Variants in GLRX observed in about 807,000 individuals in gnomAD.
GLRX encodes the protein glutaredoxin, also known as glutaredoxin-1.
GLRX carries 9 observed loss-of-function variants against 11.1 expected under a neutral mutation model. The ratio of observed to expected loss-of-function variants is 0.81; its 90% CI spans 0.49 to 1.42. The LOEUF is 1.42. Among genes scored for constraint, GLRX ranks in the 40% most tolerant of loss-of-function variants. GLRX has a pLI of 0.00. For missense variants in GLRX, 102 were observed against 126.2 expected (o/e 0.81, Z 0.92); for synonymous variants, 49 against 49.5 (o/e 0.99, Z 0.04).
chr5:95,822,422 G>A lies in GLRX; in HGVS notation c.207+34C>T, dbSNP rs779180142. 4.6e-6 allele frequency: 7 copies of A among 1,527,868 alleles called. No homozygotes were observed. The South Asian group carries it at 6.7e-5, about 15-fold the overall frequency. 94.6% of individuals were successfully genotyped at this position (1,527,868 alleles called of 1,614,324 possible). ...GCTCTGACAAGAAAAGGCAATCCGG[G>A]AGCCTTTCCCTAGCCGTTTAAAATG... On this transcript the variant is annotated intron_variant, in intron 1 of 2. Coordinates refer to ENST00000237858, the MANE Select transcript of GLRX (RefSeq NM_001118890.2).
intron 2 of GLRX, among the ~76,000 whole-genome samples, chr5:95,815,641 T>G (rs1227120905): frequency 1.3e-5 from 2 of 152,232 alleles, no homozygotes; most frequent in East Asian, 3.8e-4. Context: ...GCGCTAGCTG[T>G]GCTGGGGAAC....
chr5:95,816,370 T>C lies in GLRX; in HGVS notation c.*6+137A>G. On this transcript the variant is annotated intron_variant, in intron 2 of 2. Coordinates refer to ENST00000237858, the MANE Select transcript of GLRX (RefSeq NM_001118890.2). Reference sequence around the variant, plus strand: ...TGTAAAGTGTGAAATTCATAAGTGATTGACATCACCATTCCTCAACTCACC... The same window carrying C: ...TGTAAAGTGTGAAATTCATAAGTGACTGACATCACCATTCCTCAACTCACC... 5.1e-6 allele frequency: 3 copies of C among 587,914 alleles called. No individual in the cohort carries two copies. The South Asian group carries it at 6.2e-5, about 12-fold the overall frequency. 36.4% of individuals were successfully genotyped at this position (587,914 alleles called of 1,614,324 possible). A position where few individuals can be genotyped will look rare whatever the true frequency, so the allele number is the denominator to read the frequency against.
intron 1 of GLRX, chr5:95,816,915 GA>G: frequency 4.0e-6 from 1 of 249,060 alleles, no homozygotes; most frequent in East Asian, 1.1e-4. Flanking sequence ...TTCAGAAGGA[GA>G]ATTCTGATTG....
Position 95,813,981 on chromosome 5 carries a change from T to C in GLRX, c.*415A>G, listed in dbSNP as rs1218480309. ...GAATTGGACAAAAATCACTGAATCA[T>C]CTATAGGTTTTTTTTATTAGAAAAG... On this transcript the variant is annotated 3_prime_UTR_variant, in exon 3 of 3. Coordinates refer to ENST00000237858, the MANE Select transcript of GLRX (RefSeq NM_001118890.2). 2 of 150,228 alleles carry C rather than the reference T, an allele frequency of 1.3e-5. No homozygotes were observed. Among genetic ancestry groups the C allele is most frequent in the Non-Finnish European group, 3.0e-5 (2 of 66,744 alleles). The allele number at this position is 150,228 out of a possible 1,614,324, so 9.3% of individuals were successfully genotyped here.
chr5:95,820,606 G>T (rs1378348709), intron 1 of GLRX, among the ~76,000 whole-genome samples: 1 of 150,134 alleles, frequency 6.7e-6, no homozygotes, highest in Non-Finnish European at 1.5e-5. Flanking sequence ...CTACTTGATT[G>T]CTTGAACCTG....
chr5:95,815,978 C>T (rs917134794), intron 2 of GLRX, among the ~76,000 whole-genome samples: 5 of 152,208 alleles, frequency 3.3e-5, no homozygotes, highest in African/African-American at 4.8e-5. Context: ...TTCTGTTCCA[C>T]GAACATCCCT....
intron 1 of GLRX, among the ~76,000 whole-genome samples, chr5:95,822,033 A>G (rs1311152256): frequency 3.3e-5 from 5 of 152,302 alleles, no homozygotes; most frequent in Middle Eastern, 3.4e-3. Context: ...AAGCCTAGAG[A>G]AAAGAATGAA....
At chr5:95,816,448 C>A in intron 2 of GLRX, 59 bp downstream of exon 2, 1 of 852,168 alleles carries the variant, frequency 1.2e-6, no homozygotes, top group South Asian at 1.3e-5. Flanking sequence ...TAACAAACCA[C>A]GACAGAAGAA....
At position 95,822,687 on chromosome 5, in the gene GLRX, G is replaced by A; in HGVS notation, c.-25C>T. 2 of 1,601,246 alleles carry A rather than the reference G, an allele frequency of 1.2e-6. No individual in the cohort carries two copies. Among genetic ancestry groups the A allele is most frequent in the Non-Finnish European group, 1.7e-6 (2 of 1,168,884 alleles). On this transcript the variant is annotated 5_prime_UTR_variant, in exon 1 of 3. Transcript: ENST00000237858. ...TGCCGATGGGCTGCGGTCTCCCCGG[G>A]AAGAATCCTCAGTTGCAGGTATTGC...
intron 1 of GLRX, chr5:95,817,723 T>A (rs1391514952): frequency 6.6e-6 from 1 of 151,840 alleles, no homozygotes; most frequent in Non-Finnish European, 1.5e-5. Flanking sequence ...TGCCTGGCAG[T>A]GAAGAAAAAA....
intron 1 of GLRX, among the ~76,000 whole-genome samples, chr5:95,820,158 C>G (rs1747172249): frequency 6.6e-6 from 1 of 151,176 alleles, no homozygotes; most frequent in African/African-American, 2.4e-5. Context: ...TCAAGACCAG[C>G]CTGGGTAACA....
chr5:95,820,565 TAGGTGTGGTGGC>T (rs897532979), intron 1 of GLRX, among the ~76,000 whole-genome samples: 1 of 150,304 alleles, frequency 6.7e-6, no homozygotes, highest in Non-Finnish European at 1.5e-5. Context: ...AAAAATTAGC[TAGGTGTGGTGGC>T]AGGTGCCCGT....
intron 1 of GLRX, chr5:95,817,111 T>C (rs1747027769): frequency 6.4e-6 from 1 of 157,044 alleles, no homozygotes; most frequent in Non-Finnish European, 1.4e-5. Context: ...CATCTCTCTG[T>C]GTTGTTAAAA....
At chr5:95,815,881 A>G (rs28926215) in intron 2 of GLRX, among the ~76,000 whole-genome samples, 77 of 152,346 alleles carry the variant, frequency 5.1e-4, no homozygotes, top group African/African-American at 1.7e-3. Flanking sequence ...CAAATTGTTT[A>G]CCATGGCCTG....
chr5:95,821,342 G>T (rs1747228686), intron 1 of GLRX, among the ~76,000 whole-genome samples: 1 of 152,050 alleles, frequency 6.6e-6, no homozygotes, highest in Non-Finnish European at 1.5e-5. Context: ...TATGCAGCTG[G>T]TGGTCCCACT....
In GLRX at chr5:95,814,154, A is replaced by C. The variant is rs184467364; in HGVS notation, c.*242T>G. 6.6e-6 allele frequency: 1 copy of C among 152,656 alleles called. No individual in the cohort carries two copies. Among genetic ancestry groups the C allele is most frequent in the African/African-American group, 2.4e-5 (1 of 41,592 alleles). 9.5% of individuals were successfully genotyped at this position (152,656 alleles called of 1,614,324 possible). The stretch of plus-strand genomic sequence containing the variant: ...CTTGGTGTAGGGGGCTGTAAGTTTT[A>C]TCAGATGTTTTACATTTCATGCTTT... On this transcript the variant is annotated 3_prime_UTR_variant, in exon 3 of 3. Coordinates refer to ENST00000237858, the MANE Select transcript of GLRX (RefSeq NM_001118890.2).
intron 1 of GLRX, among the ~76,000 whole-genome samples, chr5:95,820,095 T>C (rs999800845): frequency 2.6e-5 from 4 of 152,030 alleles, no homozygotes; most frequent in Admixed American, 2.6e-4. Flanking sequence ...ATCACATCTG[T>C]AATCCCAGCA....
intron 1 of GLRX, among the ~76,000 whole-genome samples, chr5:95,821,767 C>T (rs1196072625): frequency 2.6e-5 from 4 of 152,046 alleles, no homozygotes; most frequent in African/African-American, 7.2e-5. Context: ...ACAGTCTATT[C>T]GTAGCAAATG....
rs1467859049 is a variant in GLRX, at chr5:95,813,925, ACATTC to A, written c.*466_*470del. 1 of 152,252 alleles carries A rather than the reference ACATTC, an allele frequency of 6.6e-6. No homozygotes were observed. Among genetic ancestry groups the A allele is most frequent in the Non-Finnish European group, 1.5e-5 (1 of 68,050 alleles). 9.4% of individuals were successfully genotyped at this position (152,252 alleles called of 1,614,324 possible). Reference sequence around the variant, plus strand: ...GTTTTAAGTTAGTGTATTTCGCATAACATTCCTTAATGTCTTGAGAACATGCAAAT... The same window carrying A: ...GTTTTAAGTTAGTGTATTTCGCATAACTTAATGTCTTGAGAACATGCAAAT... On this transcript the variant is annotated 3_prime_UTR_variant, in exon 3 of 3. Transcript: ENST00000237858.
Sources: allele counts gnomAD v4.1 joint callset (sites outside exome capture counted in the v4.1 genomes callset), GRCh38; gene constraint gnomAD v4.1.1; transcripts MANE v1.5; gene names NCBI Gene and HGNC (gene_info 2026-07-23, HGNC 2026-07-21).